Variants in CCNH observed in about 807,000 individuals in gnomAD.
The protein encoded by CCNH is cyclin-H.
CCNH carries 31 observed loss-of-function variants against 41.9 expected under a neutral mutation model. The ratio of observed to expected loss-of-function variants is 0.74; its 90% CI spans 0.56 to 1.00. CCNH has a LOEUF of 1.00. Among genes scored for constraint, CCNH ranks in the 50% least tolerant of loss-of-function variants. CCNH has a pLI of 0.00. For synonymous variants in CCNH, 138 were observed against 136.1 expected (o/e 1.01, Z -0.10); for missense variants, 362 against 388.4 (o/e 0.93, Z 0.57).
Position 87,335,419 on chromosome 5 carries a change from G to GTTTTT in CCNH, c.*91-16527_*91-16523dup, listed in dbSNP as rs34986349. Among the ~76,000 whole-genome samples, 104 of 72,924 alleles carry GTTTTT rather than the reference G, an allele frequency of 1.4e-3. 1 individual carries two copies. The highest frequency in any genetic ancestry group is 1.9e-3 in the African/African-American group (34 of 18,108). The allele number at this position is 72,924 out of a possible 152,430, so 47.8% of individuals were successfully genotyped here. A position where few individuals can be genotyped will look rare whatever the true frequency, so the allele number is the denominator to read the frequency against. Reference sequence around the variant, plus strand: ...ATAGGTGAAGATAATAAAGAATGAGGTTTTTTTTTTTTTTTTTTTTTTTTT... The same window carrying GTTTTT: ...ATAGGTGAAGATAATAAAGAATGAGGTTTTTTTTTTTTTTTTTTTTTTTTTTTTTT... On this transcript the variant is annotated intron_variant and NMD_transcript_variant, in intron 9 of 9. Transcript: ENST00000645953.
intron 7 of CCNH, among the ~76,000 whole-genome samples, chr5:87,398,309 G>A (rs374600258): frequency 1.1e-4 from 16 of 152,150 alleles, no homozygotes; most frequent in African/African-American, 3.4e-4. Flanking sequence ...TAAAGGCCTT[G>A]GAATTGCTGT....
intron 9 of CCNH, chr5:87,362,608 C>A (rs1760197131): frequency 6.3e-7 from 1 of 1,596,158 alleles, no homozygotes; most frequent in African/African-American, 1.3e-5. Flanking sequence ...TAATACCATC[C>A]GTCGTAAAAC....
At chr5:87,411,770 T>G (rs1764262741) in intron 1 of CCNH, among the ~76,000 whole-genome samples, 1 of 152,260 alleles carries the variant, frequency 6.6e-6, no homozygotes. Flanking sequence ...AAATTTCTGT[T>G]ATTTTAAGCT....
At chr5:87,381,992 C>T (rs1761748911), upstream of CCNH, among the ~76,000 whole-genome samples, 1 of 152,104 alleles carries the variant, frequency 6.6e-6, no homozygotes, top group African/African-American at 2.4e-5. Context: ...TGCTCTGTTG[C>T]CCATGCTGGA....
chr5:87,376,315 A>T, exon 1 of CCNH: 1 of 1,529,070 alleles, frequency 6.5e-7, no homozygotes, highest in Middle Eastern at 1.9e-4. Context: ...GGGAAGACTG[A>T]ACACCAGGAA....
At chr5:87,375,389 T>C (rs2112488304), downstream of CCNH, among the ~76,000 whole-genome samples, 1 of 152,016 alleles carries the variant, frequency 6.6e-6, no homozygotes, top group East Asian at 1.9e-4. Flanking sequence ...GCCTCCTGAG[T>C]ATCTGGGACT....
chr5:87,389,933 T>G (rs1424089380), downstream of CCNH, among the ~76,000 whole-genome samples: 1 of 152,202 alleles, frequency 6.6e-6, no homozygotes, highest in Admixed American at 6.5e-5. Flanking sequence ...GATTATTATT[T>G]GGGATGTTTG....
chr5:87,406,205 A>T (rs1333343433), intron 4 of CCNH, among the ~76,000 whole-genome samples: 3 of 152,150 alleles, frequency 2.0e-5, no homozygotes, highest in Non-Finnish European at 1.5e-5. Context: ...TAAGAGAAAG[A>T]GCTATTATTC....
intron 7 of CCNH, among the ~76,000 whole-genome samples, chr5:87,395,847 T>C (rs556110490): frequency 1.3e-5 from 2 of 152,226 alleles, no homozygotes; most frequent in South Asian, 4.1e-4. Context: ...CCATCACACC[T>C]GGATGACAGA....
chr5:87,386,250 A>T (rs1212990327), intron 9 of CCNH, among the ~76,000 whole-genome samples: 2 of 151,984 alleles, frequency 1.3e-5, no homozygotes, highest in African/African-American at 2.4e-5. Context: ...ATTTTAAAAG[A>T]GTGTGTTAAT....
rs753489239 is a variant in CCNH, at chr5:87,408,021, G to A, written c.480C>T (p.Val160=). ...CCTCAAATGGTCTGTAAGGATTGTG[G>A]ACAATAAGGTGGAAATTAAGTTGCT... ...LIQQLNFHLI[V]HNPYRPFEGF... is the part of the protein sequence containing the mutation. Residue 160 remains valine (V), a synonymous_variant, in exon 4 of 9, where the codon GTC becomes GTT. Coordinates refer to ENST00000256897, the MANE Select transcript of CCNH (RefSeq NM_001239.4). 1.2e-6 allele frequency: 2 copies of A among 1,613,782 alleles called. No homozygotes were observed. Among genetic ancestry groups the A allele is most frequent in the Non-Finnish European group, 1.7e-6 (2 of 1,179,672 alleles).
At chr5:87,361,623 G>C (rs1760096479) in intron 9 of CCNH, among the ~76,000 whole-genome samples, 1 of 152,102 alleles carries the variant, frequency 6.6e-6, no homozygotes. Context: ...CATGATAAAG[G>C]CATCCTGATA....
intron 9 of CCNH, chr5:87,331,015 T>A: frequency 7.3e-7 from 1 of 1,371,388 alleles, no homozygotes; most frequent in Non-Finnish European, 9.6e-7. Flanking sequence ...TTTGTCTATC[T>A]TTTATTTTTC....
intron 9 of CCNH, among the ~76,000 whole-genome samples, chr5:87,323,029 T>C (rs371374431): frequency 2.0e-5 from 3 of 152,136 alleles, no homozygotes; most frequent in African/African-American, 7.2e-5. Context: ...GCCTGGCGTT[T>C]AGGAAGGAAG....
intron 4 of CCNH, 140 bp from the exon 5 acceptor site, chr5:87,405,147 C>A: frequency 1.7e-6 from 1 of 590,518 alleles, no homozygotes; most frequent in South Asian, 2.4e-5. Flanking sequence ...TGACACTGTC[C>A]TCAATTTACA....
rs903481037 is a variant in CCNH at position 87,337,874 on chromosome 5, C to T, written c.*91-18977G>A. 3 of 1,239,108 alleles carry T rather than the reference C, an allele frequency of 2.4e-6. No homozygotes were observed. The Admixed American group carries it at 9.0e-5, about 37-fold the overall frequency. The allele number at this position is 1,239,108 out of a possible 1,614,324, so 76.8% of individuals were successfully genotyped here. ...TTTGACTCTAATTCCTTACATTTTT[C>T]AATATAATACTATCCCTATCCTATT... On this transcript the variant is annotated intron_variant and NMD_transcript_variant, in intron 9 of 9. Coordinates refer to the CCNH transcript ENST00000645953.
chr5:87,353,184 A>C (rs1373325614), intron 9 of CCNH: 2 of 1,610,896 alleles, frequency 1.2e-6, no homozygotes, highest in Non-Finnish European at 1.7e-6. Flanking sequence ...ATCACTATCG[A>C]AAAGAACAGA....
intron 9 of CCNH, among the ~76,000 whole-genome samples, chr5:87,360,053 A>G (rs1357966667): frequency 6.6e-6 from 1 of 150,464 alleles, no homozygotes; most frequent in African/African-American, 2.4e-5. Flanking sequence ...TATCATATCA[A>G]TTCCAGATTT....
chr5:87,409,343 G>C lies in CCNH; in HGVS notation c.261C>G (p.Phe87Leu). The C allele has an allele frequency of 1.3e-6, 2 of 1,559,206 alleles. No individual in the cohort carries two copies. Among genetic ancestry groups the C allele is most frequent in the Non-Finnish European group, 1.8e-6 (2 of 1,136,820 alleles). ...RSVVGTACMY[F>L]KRFYLNNSVM... ...CTGAGTTATTAAGATAAAAACGTTT[G>C]AAATACATACAAGCCGTACCCTAAG... Residue 87 changes from phenylalanine to leucine, a missense_variant, in exon 3 of 9, where the codon TTC (phenylalanine) becomes TTG (leucine). Coordinates refer to ENST00000256897, the MANE Select transcript of CCNH (RefSeq NM_001239.4).
Sources: gnomAD v4.1 joint callset for allele counts (sites outside exome capture counted in the v4.1 genomes callset) on GRCh38, gnomAD v4.1.1 for gene constraint, MANE v1.5 for transcripts, NCBI Gene and HGNC (gene_info 2026-07-23, HGNC 2026-07-21) for gene names.